Variants in CNGB1 observed in about 807,000 individuals in gnomAD.
CNGB1 encodes cyclic nucleotide-gated channel beta-1.
CNGB1 carries 126 observed loss-of-function variants against 151.7 expected under a neutral mutation model. The ratio of observed to expected loss-of-function variants is 0.83; its 90% CI spans 0.72 to 0.96. The LOEUF (loss-of-function observed/expected upper bound fraction) is 0.96, where lower values mean the gene tolerates loss of function less well. Ranked by LOEUF, CNGB1 falls within the 40% of genes least tolerant of loss-of-function variation. CNGB1 has a pLI of 0.00. For missense variants in CNGB1, 1,698 were observed against 1,627.0 expected (o/e 1.04, Z -0.75); for synonymous variants, 623 against 635.1 (o/e 0.98, Z 0.29).
chr16:57,934,459 A>T (rs1961449505), intron 16 of CNGB1, among the ~76,000 whole-genome samples: 1 of 152,074 alleles, frequency 6.6e-6, no homozygotes, highest in Non-Finnish European at 1.5e-5. Context: ...AATAAAATAA[A>T]ATGGAAGTAA....
chr16:57,933,660 G>A (rs1961422784), intron 16 of CNGB1, among the ~76,000 whole-genome samples: 1 of 152,186 alleles, frequency 6.6e-6, no homozygotes, highest in Non-Finnish European at 1.5e-5. Flanking sequence ...CCAAAAGCGG[G>A]AAGCAGGGAG....
Position 57,919,210 on chromosome 16 carries a change from C to T in CNGB1, c.1846G>A (p.Ala616Thr), listed in dbSNP as rs779726773. 5.6e-5 allele frequency: 91 copies of T among 1,614,088 alleles called. No homozygotes were observed. The highest frequency in any genetic ancestry group is 6.8e-5 in the Non-Finnish European group (80 of 1,180,054). ...TCCTCTTCCACTGGCTCGGCTTCAG[C>T]GGGCTTTGTGTCTGGAGCTGGCTCT... ...APEPAPDTKP[A>T]EAEPVEEEHY... The change falls in exon 20 of 33, where the codon GCT (alanine) becomes ACT (threonine). Residue 616 changes from alanine (A) to threonine (T), a missense_variant. Coordinates refer to ENST00000251102, the MANE Select transcript of CNGB1 (RefSeq NM_001297.5).
chr16:57,904,829 C>T lies in CNGB1; in HGVS notation c.2539G>A (p.Gly847Arg), dbSNP rs200953727. Residue 847 changes from glycine to arginine, a missense_variant, in exon 26 of 33, where the codon GGG (glycine) becomes AGG (arginine). Physicochemically the swap from Gly to Arg is moderately radical, Grantham distance 125 (BLOSUM62 -2). Transcript: ENST00000251102. ...YFAVKTLITIGGLPDPKTLFE... is the reference protein window; with the variant it reads ...YFAVKTLITIRGLPDPKTLFE... ...AGTGTCTTGGGGTCAGGCAGCCCCC[C>T]GATGGTGATGAGGGTCTTCACAGCA... is the stretch of plus-strand genomic sequence containing the variant. 96 of 1,614,086 alleles carry T rather than the reference C, an allele frequency of 5.9e-5. No individual in the cohort carries two copies. Among genetic ancestry groups the T allele is most frequent in the East Asian group, 8.9e-5 (4 of 44,868 alleles).
chr16:57,886,013 T>C (rs1438790142), intron 32 of CNGB1, among the ~76,000 whole-genome samples: 3 of 152,204 alleles, frequency 2.0e-5, no homozygotes, highest in African/African-American at 7.2e-5. Flanking sequence ...GTTAGAAAAG[T>C]GCTTTGCTGT....
rs374083229 is a variant in CNGB1 at position 57,896,485 on chromosome 16, G to T, written c.3242+912C>A. Among the ~76,000 whole-genome samples, 21 of 151,744 alleles carry T rather than the reference G, an allele frequency of 1.4e-4. No individual in the cohort carries two copies. The East Asian group carries it at 2.9e-3, about 21-fold the overall frequency. On this transcript the variant is annotated intron_variant, in intron 31 of 32. Coordinates refer to ENST00000251102, the MANE Select transcript of CNGB1 (RefSeq NM_001297.5). ...ATCCCAGCACTTTGGGAGGCCGAGG[G>T]GGGTGGATCACGATGTCAGGAGTTT... is the stretch of plus-strand genomic sequence containing the variant.
intron 26 of CNGB1, among the ~76,000 whole-genome samples, chr16:57,904,457 G>A (rs1960483136): frequency 6.6e-6 from 1 of 152,138 alleles, no homozygotes; most frequent in Non-Finnish European, 1.5e-5. Context: ...AACACCAGGG[G>A]CTTCTCCCTC....
At chr16:57,916,036 C>T in intron 22 of CNGB1, 93 bp downstream of exon 22, 1 of 1,227,010 alleles carries the variant, frequency 8.1e-7, no homozygotes, top group Non-Finnish European at 1.2e-6. Context: ...TGGCAGAAAC[C>T]ACATCTCATG....
At chr16:57,950,606 C>CAGGGAGCCTG in intron 12 of CNGB1, 66 bp from the exon 13 acceptor site, 1 of 1,551,404 alleles carries the variant, frequency 6.4e-7, no homozygotes, top group Non-Finnish European at 8.9e-7. Flanking sequence ...CCTCTGAGTC[C>CAGGGAGCCTG]CAGGGAGCCT....
At chr16:57,887,772 G>A in intron 32 of CNGB1, 83 bp downstream of exon 32, 1 of 1,316,738 alleles carries the variant, frequency 7.6e-7, no homozygotes, top group East Asian at 2.3e-5. Context: ...AACTAAATGT[G>A]TGGCCCACTC....
At chr16:57,948,316 C>CT (rs58470336) in intron 14 of CNGB1, among the ~76,000 whole-genome samples, 113 of 136,642 alleles carry the variant, frequency 8.3e-4, no homozygotes, top group South Asian at 3.4e-3. Context: ...TCTTCTTCTT[C>CT]TTTTTTTTTT....
At chr16:57,959,605 AAAACAAAC>A (rs143332716) in intron 10 of CNGB1, among the ~76,000 whole-genome samples, 27,106 of 151,530 alleles carry the variant, frequency 0.18, 3,030 homozygotes, top group East Asian at 0.4. Context: ...CGGTCTCAAA[AAAACAAAC>A]AAACAAACAA....
Position 57,949,370 on chromosome 16 carries a change from TTCCTCC to T in CNGB1, c.1098_1103del (p.Glu370_Glu371del), listed in dbSNP as rs141566950. On this transcript the variant is annotated inframe_deletion, in exon 14 of 33. Coordinates refer to ENST00000251102, the MANE Select transcript of CNGB1 (RefSeq NM_001297.5). ...TGACTTACTCAGTCACCTCCTCCTC[TTCCTCC>T]TCCTCCTCCTCTTCCTCTTCCTCCT... 2.5e-6 allele frequency: 4 copies of T among 1,611,780 alleles called. No individual in the cohort carries two copies. Among genetic ancestry groups the T allele is most frequent in the East Asian group, 4.5e-5 (2 of 44,860 alleles).
intron 29 of CNGB1, 75 bp from the exon 30 acceptor site, chr16:57,897,989 A>C: frequency 6.7e-7 from 1 of 1,499,954 alleles, no homozygotes; most frequent in South Asian, 1.1e-5. Flanking sequence ...CTGGATCCAG[A>C]GGCTGGAGGT....
At chr16:57,931,309 T>A (rs1323075102) in intron 17 of CNGB1, among the ~76,000 whole-genome samples, 3 of 152,152 alleles carry the variant, frequency 2.0e-5, no homozygotes, top group Admixed American at 6.5e-5. Context: ...TGAGCCACTA[T>A]GCCTAGCTAA....
At position 57,915,671 on chromosome 16, in the gene CNGB1, G is replaced by C. The variant is rs890947737; in HGVS notation, c.2218-336C>G. ...CCCAGCAGTTTGGGAGGCCAAGGCAGGCAGATCACTTGATGTCAGGAGTTC... is the reference window on the plus strand; with the variant it reads ...CCCAGCAGTTTGGGAGGCCAAGGCACGCAGATCACTTGATGTCAGGAGTTC... On this transcript the variant is annotated intron_variant, in intron 22 of 32. Coordinates refer to ENST00000251102, the MANE Select transcript of CNGB1 (RefSeq NM_001297.5). Among the ~76,000 whole-genome samples the C allele has an allele frequency of 2.0e-5, 3 of 152,172 alleles. No individual in the cohort carries two copies. In the East Asian group the frequency reaches 5.8e-4, roughly 29 times the overall value.
intron 18 of CNGB1, among the ~76,000 whole-genome samples, chr16:57,922,339 C>G (rs918680647): frequency 1.7e-4 from 26 of 152,278 alleles, no homozygotes; most frequent in Middle Eastern, 3.4e-3. Flanking sequence ...GAAGAAACCT[C>G]CCACTGGCCC....
intron 25 of CNGB1, among the ~76,000 whole-genome samples, chr16:57,908,720 C>T (rs560467376): frequency 2.6e-4 from 39 of 152,316 alleles, no homozygotes; most frequent in African/African-American, 5.8e-4. Context: ...CTCAAGCCTC[C>T]GCTCTGACTC....
chr16:57,884,411 G>C lies in CNGB1; in HGVS notation c.3509C>G (p.Pro1170Arg), dbSNP rs745921689. ...DVKGEEGSAA[P>R]DQHTHPKEAA... ...CTCCTTTGGGTGCGTGTGCTGGTCT[G>C]GGGCGGCGGAGCCTTCCTCTCCCTT... The change falls in exon 33 of 33, where the codon CCA becomes CGA. Residue 1170 changes from proline (P) to arginine (R), a missense_variant. Transcript: ENST00000251102. 2.5e-6 allele frequency: 4 copies of C among 1,613,462 alleles called. No homozygotes were observed. In the African/African-American group the frequency reaches 5.3e-5, roughly 22 times the overall value.
At chr16:57,938,919 G>A (rs1961584500) in intron 16 of CNGB1, among the ~76,000 whole-genome samples, 1 of 152,200 alleles carries the variant, frequency 6.6e-6, no homozygotes, top group South Asian at 2.1e-4. Context: ...GGTACAGCTG[G>A]AGATCAGGAA....
Sources: allele counts gnomAD v4.1 joint callset (sites outside exome capture counted in the v4.1 genomes callset), GRCh38; gene constraint gnomAD v4.1.1; transcripts MANE v1.5; gene names NCBI Gene and HGNC (gene_info 2026-07-23, HGNC 2026-07-21).